Variants in CARM1 observed in about 807,000 individuals in gnomAD.
The protein encoded by CARM1 is coactivator associated arginine methyltransferase 1, also known as histone-arginine methyltransferase CARM1.
CARM1 carries 14 observed loss-of-function variants against 72.7 expected under a neutral mutation model. The ratio of observed to expected loss-of-function variants is 0.19; its 90% CI spans 0.13 to 0.30. The LOEUF (loss-of-function observed/expected upper bound fraction) is 0.30. Among genes scored for constraint, CARM1 ranks in the 10% least tolerant of loss-of-function variants. The pLI is 1.00. For missense variants in CARM1, 432 were observed against 833.7 expected, an observed-to-expected ratio of 0.52 and a Z score of 5.93; for synonymous variants, 333 against 345.5, an observed-to-expected ratio of 0.96 and a Z score of 0.40.
rs538722379 is a variant in CARM1, at chr19:10,913,865, G to T, written c.670-12G>T. On this transcript the variant is annotated splice_polypyrimidine_tract_variant and intron_variant, in intron 5 of 15. Transcript: ENST00000327064. ...GACGCAGGGAAGCCCACATGGCCCT[G>T]CCCGCCTGCAGGTCTTGGTGAAGAG... 6.2e-7 allele frequency: 1 copy of T among 1,609,500 alleles called. No individual in the cohort carries two copies. The highest frequency in any genetic ancestry group is 8.5e-7 in the Non-Finnish European group (1 of 1,177,590).
At chr19:10,921,540 TTC>T in intron 15 of CARM1, 73 bp from the exon 16 acceptor site, 15 of 1,566,874 alleles carry the variant, frequency 9.6e-6, no homozygotes, top group Middle Eastern at 1.7e-4. Context: ...TGCCTGCCCT[TTC>T]TCTCTCTCTG....
intron 1 of CARM1, among the ~76,000 whole-genome samples, chr19:10,892,370 C>G (rs146049189): frequency 1.3e-5 from 2 of 152,356 alleles, no homozygotes; most frequent in East Asian, 3.9e-4. Flanking sequence ...GGACACCCAG[C>G]TCCGGTGCTG....
intron 1 of CARM1, 132 bp downstream of exon 1, chr19:10,872,054 G>A (rs1028474173): frequency 4.0e-6 from 3 of 759,376 alleles, no homozygotes; most frequent in African/African-American, 3.7e-5. Context: ...CCGGTGGCCT[G>A]CAGGGAGCGA....
chr19:10,914,208 C>T (rs1185336167), intron 6 of CARM1, among the ~76,000 whole-genome samples, 154 bp downstream of exon 6: 2 of 152,198 alleles, frequency 1.3e-5, no homozygotes, highest in Admixed American at 6.5e-5. Context: ...CAACCCCACT[C>T]CAGCCAGCTG....
intron 1 of CARM1, among the ~76,000 whole-genome samples, chr19:10,900,058 C>T (rs2074053070): frequency 6.6e-6 from 1 of 152,084 alleles, no homozygotes; most frequent in Non-Finnish European, 1.5e-5. Flanking sequence ...CCTGTAATCC[C>T]AGCACTTTGG....
intron 1 of CARM1, among the ~76,000 whole-genome samples, chr19:10,887,343 C>T (rs4804543): frequency 0.42 from 64,355 of 152,120 alleles, 13,666 homozygotes; most frequent in East Asian, 0.57. Flanking sequence ...CTGCCGTGTG[C>T]CTGATTTCTT....
intron 1 of CARM1, among the ~76,000 whole-genome samples, chr19:10,883,942 C>T (rs991353589): frequency 6.6e-6 from 1 of 150,436 alleles, no homozygotes. Flanking sequence ...CACTTGAACC[C>T]AGGAGGCGGA....
Position 10,921,810 on chromosome 19 carries a change from G to A in CARM1, c.*53G>A, listed in dbSNP as rs995656098. 32 of 1,521,754 alleles carry A rather than the reference G, an allele frequency of 2.1e-5. No homozygotes were observed. The highest frequency in any genetic ancestry group is 7.6e-5 in the South Asian group (6 of 79,246). The allele number at this position is 1,521,754 out of a possible 1,614,324, so 94.3% of individuals were successfully genotyped here. ...AGGAAACCAAATGATGTCCCTGCCC[G>A]CCGCCCCCGCCGGGCGGCTTTCCCC... On this transcript the variant is annotated 3_prime_UTR_variant, in exon 16 of 16. Transcript: ENST00000327064.
rs781175477 is a variant in CARM1 at position 10,912,332 on chromosome 19, G to T, written c.669+38G>T. 6 of 1,450,734 alleles carry T rather than the reference G, an allele frequency of 4.1e-6. No individual in the cohort carries two copies. Among genetic ancestry groups the T allele is most frequent in the Middle Eastern group, 1.7e-4 (1 of 5,796 alleles). The allele number at this position is 1,450,734 out of a possible 1,614,324, so 89.9% of individuals were successfully genotyped here. ...CTGGTGCCCACCCAGCCTCGTCCTCGCCCATGAGTGCCATGCCGGCCCCAG... is the reference window on the plus strand; with the variant it reads ...CTGGTGCCCACCCAGCCTCGTCCTCTCCCATGAGTGCCATGCCGGCCCCAG... On this transcript the variant is annotated intron_variant, in intron 5 of 15. Coordinates refer to ENST00000327064, the MANE Select transcript of CARM1 (RefSeq NM_199141.2). This position sits in a 1 kb window ranked among gnomAD's most constrained non-coding sequence, Gnocchi z 4.5.
intron 1 of CARM1, among the ~76,000 whole-genome samples, chr19:10,891,731 A>T (rs979441392): frequency 6.6e-6 from 1 of 152,156 alleles, no homozygotes; most frequent in Non-Finnish European, 1.5e-5. Context: ...GCTATCTTTC[A>T]TGTACAAGGG....
chr19:10,917,268 C>T (rs1471906973), intron 8 of CARM1, among the ~76,000 whole-genome samples: 3 of 151,974 alleles, frequency 2.0e-5, no homozygotes, highest in South Asian at 2.1e-4. Flanking sequence ...GGGCAGATCA[C>T]GAGGTTAGGA....
chr19:10,920,613 T>G lies in CARM1; in HGVS notation c.1334+40T>G. The G allele has an allele frequency of 6.2e-7, 1 of 1,613,432 alleles. No homozygotes were observed. The highest frequency in any genetic ancestry group is 8.5e-7 in the Non-Finnish European group (1 of 1,179,616). On this transcript the variant is annotated intron_variant, in intron 11 of 15. Transcript: ENST00000327064. This position sits in a 1 kb window ranked among gnomAD's most constrained non-coding sequence, Gnocchi z 5.3. ...TGGGGCTGGTGGTGGTGGGCAGGGG[T>G]CCATCTGCCCAGCAGCTCATGCCAC...
At chr19:10,887,305 A>G (rs183817697) in intron 1 of CARM1, among the ~76,000 whole-genome samples, 442 of 152,336 alleles carry the variant, frequency 2.9e-3, no homozygotes, top group African/African-American at 0.01. Flanking sequence ...AGAGCTCGCC[A>G]AAGCCAGGGT....
Position 10,920,294 on chromosome 19 carries a change from G to A in CARM1, c.1197-142G>A. 1 of 973,544 alleles carries A rather than the reference G, an allele frequency of 1.0e-6. No individual in the cohort carries two copies. Among genetic ancestry groups the A allele is most frequent in the Non-Finnish European group, 1.5e-6 (1 of 669,534 alleles). 60.3% of individuals were successfully genotyped at this position (973,544 alleles called of 1,614,324 possible). A position where few individuals can be genotyped will look rare whatever the true frequency, so the allele number is the denominator to read the frequency against. On this transcript the variant is annotated intron_variant, in intron 10 of 15. Transcript: ENST00000327064. This position sits in a 1 kb window ranked among gnomAD's most constrained non-coding sequence, Gnocchi z 5.3. ...TCATGTTTGTGTCTGGGACTGCCTG[G>A]GGGCCAGCCTGTCTCTGCTCCAGGG... is the stretch of plus-strand genomic sequence containing the variant.
rs1403088552 is a variant in CARM1 at position 10,875,880 on chromosome 19, T to G, written c.220+3958T>G. ...GGGGTTACAACTTGGATGTCTGTCT[T>G]TTTTTTTTTTTTGAGATGGAATTTT... On this transcript the variant is annotated intron_variant, in intron 1 of 15. Coordinates refer to ENST00000327064, the MANE Select transcript of CARM1 (RefSeq NM_199141.2). Among the ~76,000 whole-genome samples the G allele has an allele frequency of 2.7e-5, 4 of 146,682 alleles. No individual in the cohort carries two copies. In the East Asian group the frequency reaches 5.9e-4, roughly 22 times the overall value.
chr19:10,876,404 G>C (rs1338358922), intron 1 of CARM1, among the ~76,000 whole-genome samples: 1 of 152,196 alleles, frequency 6.6e-6, no homozygotes, highest in Non-Finnish European at 1.5e-5. Flanking sequence ...TCTAGGAGGA[G>C]CCCCCTATGC....
intron 1 of CARM1, among the ~76,000 whole-genome samples, chr19:10,895,600 G>A (rs1408712812): frequency 6.6e-6 from 1 of 152,230 alleles, no homozygotes; most frequent in Non-Finnish European, 1.5e-5. Context: ...CCCAATCAAG[G>A]CCATGCGCAC....
chr19:10,890,842 C>T (rs1351220598), intron 1 of CARM1, among the ~76,000 whole-genome samples: 1 of 119,624 alleles, frequency 8.4e-6, no homozygotes, highest in Non-Finnish European at 1.6e-5. Flanking sequence ...TCTATCCTTC[C>T]TGAAGTCCCA....
chr19:10,912,431 G>A lies in CARM1; in HGVS notation c.669+137G>A, dbSNP rs894362070. 4.8e-6 allele frequency: 3 copies of A among 627,178 alleles called. No homozygotes were observed. The African/African-American group carries it at 5.5e-5, about 11-fold the overall frequency. 38.9% of individuals were successfully genotyped at this position (627,178 alleles called of 1,614,324 possible). A position where few individuals can be genotyped will look rare whatever the true frequency, so the allele number is the denominator to read the frequency against. The stretch of plus-strand genomic sequence containing the variant: ...GCTTTGGTCTCTTTATTGTCCCCAA[G>A]ACAGTCATTTCAGGGAGGGGCTTCA... On this transcript the variant is annotated intron_variant, in intron 5 of 15. Coordinates refer to ENST00000327064, the MANE Select transcript of CARM1 (RefSeq NM_199141.2). The surrounding 1 kb of genome is among the most constrained non-coding windows in gnomAD (Gnocchi z 4.5).
Sources: allele counts gnomAD v4.1 joint callset (sites outside exome capture counted in the v4.1 genomes callset), GRCh38; gene constraint gnomAD v4.1.1; non-coding constraint Gnocchi (gnomAD v3.1); transcripts MANE v1.5; gene names NCBI Gene and HGNC (gene_info 2026-07-23, HGNC 2026-07-21).